Variants in HPSE2 observed in about 807,000 individuals in gnomAD.
HPSE2 encodes heparanase 2 (inactive), also known as inactive heparanase-2.
HPSE2 carries 38 observed loss-of-function variants against 60.5 expected under a neutral mutation model. That is an observed-to-expected ratio of 0.63 (90% confidence interval 0.48 to 0.82). The LOEUF (loss-of-function observed/expected upper bound fraction) is 0.82, where lower values mean the gene tolerates loss of function less well. Ranked by LOEUF, HPSE2 falls within the 40% of genes least tolerant of loss-of-function variation. HPSE2 has a pLI of 0.00. For missense variants in HPSE2, 713 were observed against 740.4 expected, an observed-to-expected ratio of 0.96 and a Z score of 0.43; for synonymous variants, 295 against 293.2, an observed-to-expected ratio of 1.01 and a Z score of -0.06.
intron 6 of HPSE2, among the ~76,000 whole-genome samples, chr10:98,663,935 G>T (rs997631559): frequency 7.9e-5 from 12 of 152,262 alleles, no homozygotes; most frequent in Middle Eastern, 3.4e-3. Flanking sequence ...CCTTGCCCTT[G>T]TCTGAACACT....
At chr10:98,811,598 G>A (rs1951170760) in intron 3 of HPSE2, among the ~76,000 whole-genome samples, 1 of 152,078 alleles carries the variant, frequency 6.6e-6, no homozygotes, top group African/African-American at 2.4e-5. Context: ...TTTATTGCTT[G>A]CTGAATGTTA....
At chr10:99,083,606 A>T (rs1843217704) in intron 3 of HPSE2, among the ~76,000 whole-genome samples, 1 of 152,162 alleles carries the variant, frequency 6.6e-6, no homozygotes, top group Non-Finnish European at 1.5e-5. Flanking sequence ...ATGACATGGT[A>T]CCCCAGATTT....
intron 5 of HPSE2, among the ~76,000 whole-genome samples, chr10:98,717,630 A>G (rs1246963761): frequency 6.6e-6 from 1 of 152,092 alleles, no homozygotes; most frequent in Admixed American, 6.6e-5. Flanking sequence ...GGTGGAGCAG[A>G]CAGAACACAC....
Position 98,721,721 on chromosome 10 carries a change from T to C in HPSE2, c.892A>G (p.Arg298Gly), listed in dbSNP as rs766600978. Reference sequence around the variant, plus strand: ...ATATTAGGGCCATATAAGCTGGCTCTGGAATAAATCCGGATGGGCTGCAAC... The same window carrying C: ...ATATTAGGGCCATATAAGCTGGCTCCGGAATAAATCCGGATGGGCTGCAAC... ...SLLQPIRIYS[R>G]ASLYGPNIGR... The change falls in exon 5 of 12, where the codon AGA becomes GGA. Residue 298 changes from arginine (R) to glycine (G), a missense_variant. Arg to Gly is a moderately radical substitution (Grantham distance 125). Transcript: ENST00000370552. 4.3e-6 allele frequency: 7 copies of C among 1,613,766 alleles called. No individual in the cohort carries two copies. The highest frequency in any genetic ancestry group is 5.9e-6 in the Non-Finnish European group (7 of 1,179,932).
At chr10:99,242,584 C>G in the HPSE2 span, among the ~76,000 whole-genome samples, 3 of 152,022 alleles carry the variant, frequency 2.0e-5, no homozygotes, top group Non-Finnish European at 4.4e-5. Flanking sequence ...TTAGTTACAC[C>G]CAGTGAAGAA....
rs969961695 is a variant in HPSE2, at chr10:99,235,666, G to T, written c.137C>A (p.Pro46His). Residue 46 changes from proline to histidine, a missense_variant, in exon 1 of 12, where the codon CCC becomes CAC. By Grantham distance (77) the Pro-to-His change is moderately conservative. Coordinates refer to ENST00000370552, the MANE Select transcript of HPSE2 (RefSeq NM_021828.5). ...SLSSQAGDRR[P>H]LPVDRAAGLK... ...ACCTGCAGCTCTGTCTACAGGCAAG[G>T]GTCTCCTGTCTCCAGCCTGGGAGGA... 31 of 1,613,860 alleles carry T rather than the reference G, an allele frequency of 1.9e-5. No individual in the cohort carries two copies. The highest frequency in any genetic ancestry group is 2.5e-5 in the Non-Finnish European group (30 of 1,180,020).
At chr10:99,042,233 A>G (rs930666818) in intron 3 of HPSE2, among the ~76,000 whole-genome samples, 50 of 152,070 alleles carry the variant, frequency 3.3e-4, no homozygotes, top group African/African-American at 1.2e-3. Flanking sequence ...CAGCCGTCCT[A>G]TGGAGAAGAG....
chr10:99,011,221 C>G (rs1957005799), intron 3 of HPSE2, among the ~76,000 whole-genome samples: 1 of 151,434 alleles, frequency 6.6e-6, no homozygotes, highest in African/African-American at 2.4e-5. Context: ...GCATTTTGAA[C>G]ATTATAAATA....
At chr10:98,872,661 C>T (rs999656693) in intron 3 of HPSE2, among the ~76,000 whole-genome samples, 6 of 152,030 alleles carry the variant, frequency 3.9e-5, no homozygotes, top group African/African-American at 1.4e-4. Context: ...GGTACATAGA[C>T]AATATTTTGA....
At chr10:98,804,645 G>T (rs2134543029) in intron 3 of HPSE2, among the ~76,000 whole-genome samples, 1 of 152,176 alleles carries the variant, frequency 6.6e-6, no homozygotes, top group Non-Finnish European at 1.5e-5. Context: ...TGCTGGAGAG[G>T]ATGTATACGG....
chr10:98,567,261 A>G (rs1394683007), intron 9 of HPSE2, among the ~76,000 whole-genome samples: 3 of 152,166 alleles, frequency 2.0e-5, no homozygotes, highest in Non-Finnish European at 4.4e-5. Flanking sequence ...GCTCACATAC[A>G]TCCCTTCTGA....
chr10:98,482,362 T>A (rs921137577), intron 11 of HPSE2, among the ~76,000 whole-genome samples: 2 of 152,190 alleles, frequency 1.3e-5, no homozygotes, highest in South Asian at 2.1e-4. Flanking sequence ...TAGTTGTGTA[T>A]AACGAAGAAT....
At chr10:98,773,062 C>T (rs992144395) in intron 3 of HPSE2, among the ~76,000 whole-genome samples, 2 of 152,142 alleles carry the variant, frequency 1.3e-5, no homozygotes. Flanking sequence ...AAGCTTTCTT[C>T]CTATGGTGAT....
chr10:98,991,134 G>A (rs925272188), intron 3 of HPSE2, among the ~76,000 whole-genome samples: 1 of 152,134 alleles, frequency 6.6e-6, no homozygotes, highest in Non-Finnish European at 1.5e-5. Flanking sequence ...TTCATCAAGT[G>A]TTATAACACA....
chr10:98,960,701 C>CTT, intron 3 of HPSE2, among the ~76,000 whole-genome samples: 13,917 of 56,796 alleles, frequency 0.25, 836 homozygotes, highest in South Asian at 0.28. Flanking sequence ...ATGTACATTT[C>CTT]TTTTTTTTTT....
At chr10:99,171,811 C>A (rs1182748946) in intron 2 of HPSE2, among the ~76,000 whole-genome samples, 2 of 151,790 alleles carry the variant, frequency 1.3e-5, no homozygotes, top group Non-Finnish European at 2.9e-5. Context: ...TGCCTTCATT[C>A]TGTGACTAAA....
intron 2 of HPSE2, among the ~76,000 whole-genome samples, chr10:99,182,800 T>A (rs952109714): frequency 1.3e-5 from 2 of 151,864 alleles, no homozygotes; most frequent in South Asian, 2.1e-4. Flanking sequence ...ATCGAGACCA[T>A]CCTGGCCAAC....
At chr10:98,492,458 C>A (rs897904750) in intron 9 of HPSE2, among the ~76,000 whole-genome samples, 2 of 147,660 alleles carry the variant, frequency 1.4e-5, no homozygotes, top group Admixed American at 1.4e-4. Context: ...GCCGAGATTG[C>A]GCCACTGCAC....
intron 3 of HPSE2, among the ~76,000 whole-genome samples, chr10:98,988,182 A>C (rs1220818283): frequency 6.6e-6 from 1 of 152,162 alleles, no homozygotes; most frequent in Non-Finnish European, 1.5e-5. Flanking sequence ...AGTCCGCATC[A>C]CCAAGGCAAT....
Sources: gnomAD v4.1 joint callset for allele counts (sites outside exome capture counted in the v4.1 genomes callset) on GRCh38, gnomAD v4.1.1 for gene constraint, MANE v1.5 for transcripts, NCBI Gene and HGNC (gene_info 2026-07-23, HGNC 2026-07-21) for gene names.